The following BCAS3 variants were observed in gnomAD, a reference collection of about 807,000 sequenced individuals.
BCAS3 encodes the protein BCAS3 microtubule associated cell migration factor.
In BCAS3, 53 loss-of-function variants were observed where a neutral mutation model predicts 116.1. The ratio of observed to expected loss-of-function variants is 0.46; its 90% CI spans 0.37 to 0.57. BCAS3 has a LOEUF of 0.57. Ranked by LOEUF, BCAS3 falls within the 20% of genes least tolerant of loss-of-function variation. The pLI is 0.00. For missense variants in BCAS3, 917 were observed against 1,165.4 expected, an observed-to-expected ratio of 0.79 and a Z score of 3.10; for synonymous variants, 391 against 408.2, an observed-to-expected ratio of 0.96 and a Z score of 0.51.
At chr17:60,941,974 T>A (rs950633855) in intron 13 of BCAS3, among the ~76,000 whole-genome samples, 2 of 152,226 alleles carry the variant, frequency 1.3e-5, no homozygotes, top group Non-Finnish European at 2.9e-5. Context: ...TCTATTGAAT[T>A]GTTTGTCAAG....
At chr17:61,092,712 T>G (rs562499619) in intron 22 of BCAS3, among the ~76,000 whole-genome samples, 1 of 152,322 alleles carries the variant, frequency 6.6e-6, no homozygotes, top group African/African-American at 2.4e-5. Context: ...TTGTCTTTAT[T>G]GAATACCAAG....
chr17:60,879,545 C>T (rs1323329973), intron 9 of BCAS3, among the ~76,000 whole-genome samples: 15 of 152,104 alleles, frequency 9.9e-5, no homozygotes, highest in Admixed American at 9.8e-4. Context: ...TGTGGAAATC[C>T]AAAACCCGTG....
At position 61,302,212 on chromosome 17, in the gene BCAS3, G is replaced by A. The variant is rs2053510895; in HGVS notation, c.2426-66115G>A. Among the ~76,000 whole-genome samples, 2 of 152,252 alleles carry A rather than the reference G, an allele frequency of 1.3e-5. No individual in the cohort carries two copies. Among genetic ancestry groups the A allele is most frequent in the East Asian group, 1.9e-4 (1 of 5,182 alleles). On this transcript the variant is annotated intron_variant, in intron 22 of 23. Coordinates refer to ENST00000407086, the MANE Select transcript of BCAS3 (RefSeq NM_017679.5). The surrounding 1 kb of genome is among the most constrained non-coding windows in gnomAD (Gnocchi z 4.4). ...CCAGGGTTCTCCTGTTCTCTCTGGT[G>A]TATTACTTGACTTTCCTCATCTTGT...
intron 22 of BCAS3, among the ~76,000 whole-genome samples, chr17:61,170,044 G>T (rs766237921): frequency 6.6e-6 from 1 of 151,598 alleles, no homozygotes. Context: ...GAGTAGAGAC[G>T]GGGTTTCACC....
intron 22 of BCAS3, among the ~76,000 whole-genome samples, chr17:61,342,093 C>T (rs1242460475): frequency 1.3e-5 from 2 of 151,084 alleles, no homozygotes; most frequent in East Asian, 2.0e-4. Context: ...ACCTCCACCC[C>T]TCAGGGTTCA....
intron 6 of BCAS3, among the ~76,000 whole-genome samples, chr17:60,752,658 C>G (rs1048078885): frequency 2.6e-5 from 4 of 151,894 alleles, no homozygotes; most frequent in African/African-American, 9.7e-5. Context: ...CTCCTGACTG[C>G]GTGATCCGCC....
In BCAS3 at chr17:61,008,715, A is replaced by T. The variant is rs1330906366; in HGVS notation, c.1487-7036A>T. On this transcript the variant is annotated intron_variant, in intron 15 of 23. Transcript: ENST00000407086. The surrounding 1 kb of genome is among the most constrained non-coding windows in gnomAD (Gnocchi z 4.6). ...AAAAATAAAAAATAAAAAAATAAAA[A>T]AAAAGGCCCCGTAGAACTCATCATC... Among the ~76,000 whole-genome samples the T allele has an allele frequency of 2.0e-5, 3 of 152,074 alleles. No individual in the cohort carries two copies. Among genetic ancestry groups the T allele is most frequent in the African/African-American group, 4.8e-5 (2 of 41,442 alleles).
chr17:61,368,469 C>T lies in BCAS3; in HGVS notation c.2568C>T (p.Ser856=), dbSNP rs190840639. 209 of 1,609,084 alleles carry T rather than the reference C, an allele frequency of 1.3e-4. 1 individual carries two copies. The African/African-American group carries it at 2.5e-3, about 20-fold the overall frequency. ...RLADAMAESP[S]RDVVGSGTEL... Reference sequence around the variant, plus strand: ...CCGACGCCATGGCCGAGTCACCTAGCCGGGACGTCGTGGGATCCGGAACAG... The same window carrying T: ...CCGACGCCATGGCCGAGTCACCTAGTCGGGACGTCGTGGGATCCGGAACAG... Residue 856 remains serine (S), a synonymous_variant, in exon 23 of 24, where the codon AGC becomes AGT. Coordinates refer to ENST00000407086, the MANE Select transcript of BCAS3 (RefSeq NM_017679.5). This position sits in a 1 kb window ranked among gnomAD's most constrained non-coding sequence, Gnocchi z 6.0.
chr17:60,726,930 A>G (rs920726440), intron 5 of BCAS3, among the ~76,000 whole-genome samples: 4 of 152,142 alleles, frequency 2.6e-5, no homozygotes. Context: ...TGCATATATT[A>G]TTTATTATCC....
intron 10 of BCAS3, among the ~76,000 whole-genome samples, chr17:60,893,709 A>C (rs28791169): frequency 6.7e-6 from 1 of 148,814 alleles, no homozygotes. Flanking sequence ...CCTGGGTTCA[A>C]GTGATTCTTT....
intron 22 of BCAS3, among the ~76,000 whole-genome samples, chr17:61,358,629 G>A (rs535336812): frequency 2.0e-5 from 3 of 151,352 alleles, no homozygotes; most frequent in Non-Finnish European, 4.4e-5. Context: ...AGCCTCCTGA[G>A]TAGCTGGGAT....
intron 10 of BCAS3, among the ~76,000 whole-genome samples, chr17:60,898,813 A>G (rs919916251): frequency 2.0e-5 from 3 of 151,862 alleles, no homozygotes; most frequent in African/African-American, 7.3e-5. Context: ...TTTTGTTCCT[A>G]GTGGCGTGTG....
intron 19 of BCAS3, among the ~76,000 whole-genome samples, chr17:61,049,626 A>T (rs2068653399): frequency 6.6e-6 from 1 of 151,860 alleles, no homozygotes; most frequent in Non-Finnish European, 1.5e-5. Context: ...GCTCAAAATC[A>T]TTGACAAAGA....
intron 22 of BCAS3, among the ~76,000 whole-genome samples, chr17:61,319,518 TG>T (rs1330608936): frequency 6.6e-6 from 1 of 152,188 alleles, no homozygotes; most frequent in Non-Finnish European, 1.5e-5. Context: ...ATATGTCGAA[TG>T]TATTGATCAT....
intron 19 of BCAS3, among the ~76,000 whole-genome samples, chr17:61,067,482 G>C (rs2070801556): frequency 6.7e-6 from 1 of 149,696 alleles, no homozygotes; most frequent in South Asian, 2.1e-4. Context: ...ACTTTGGGAG[G>C]CTGAGGCAGG....
intron 22 of BCAS3, among the ~76,000 whole-genome samples, chr17:61,192,813 A>G (rs1466027657): frequency 1.3e-5 from 2 of 152,242 alleles, no homozygotes; most frequent in Non-Finnish European, 2.9e-5. Flanking sequence ...ATGATAATAG[A>G]ATAGCAATAC....
chr17:60,803,357 A>G (rs1024813269), intron 6 of BCAS3, among the ~76,000 whole-genome samples: 1 of 152,062 alleles, frequency 6.6e-6, no homozygotes, highest in Non-Finnish European at 1.5e-5. Flanking sequence ...TCTCCCATCA[A>G]ATCTAGTACC....
At chr17:61,373,159 C>T (rs530203215) in intron 23 of BCAS3, among the ~76,000 whole-genome samples, 1 of 151,692 alleles carries the variant, frequency 6.6e-6, no homozygotes, top group East Asian at 1.9e-4. Flanking sequence ...GGCATGATCT[C>T]GGCTCACTGC....
At chr17:60,790,765 A>G (rs1443935473) in intron 6 of BCAS3, among the ~76,000 whole-genome samples, 14 of 130,362 alleles carry the variant, frequency 1.1e-4, no homozygotes, top group African/African-American at 3.9e-4. Context: ...TTTTTTTGAG[A>G]TAGAGTCTTG....
Sources: gnomAD v4.1 joint callset for allele counts (sites outside exome capture counted in the v4.1 genomes callset) on GRCh38, gnomAD v4.1.1 for gene constraint, Gnocchi (gnomAD v3.1) non-coding constraint, MANE v1.5 for transcripts, NCBI Gene and HGNC (gene_info 2026-07-23, HGNC 2026-07-21) for gene names.